PHYH: variants seen among roughly 807,000 people sequenced by gnomAD.
PHYH encodes the protein phytanoyl-CoA 2-hydroxylase.
In PHYH, 32 loss-of-function variants were observed where a neutral mutation model predicts 38.5. The observed-to-expected ratio is 0.83, with a 90% CI of 0.63 to 1.12. PHYH has a LOEUF of 1.12. PHYH is among the 50% of genes most tolerant of loss of function. The pLI is 0.00. For missense variants in PHYH, 426 were observed against 434.8 expected (o/e 0.98, Z 0.18); for synonymous variants, 166 against 157.9 (o/e 1.05, Z -0.38).
chr10:13,288,318 G>A (rs373176213), intron 6 of PHYH, 42 bp downstream of exon 6: 51 of 1,576,456 alleles, frequency 3.2e-5, no homozygotes, highest in East Asian at 2.2e-4. Context: ...CAGAAACTGC[G>A]AAGGAGATTC....
Position 13,293,857 on chromosome 10 carries a change from TAC to T in PHYH, c.414+569_414+570del, listed in dbSNP as rs373054397. On this transcript the variant is annotated intron_variant, in intron 4 of 8. Coordinates refer to ENST00000263038, the MANE Select transcript of PHYH (RefSeq NM_006214.4). ...AATAAATATCTATTAAAATAATTTA[TAC>T]CTCCTAAAATCATGGCATAGACCAC... Among the ~76,000 whole-genome samples, 16 of 152,232 alleles carry T rather than the reference TAC, an allele frequency of 1.1e-4. No individual in the cohort carries two copies. In the East Asian group the frequency reaches 3.1e-3, roughly 29 times the overall value.
At chr10:13,295,952 G>C (rs947630700) in intron 2 of PHYH, among the ~76,000 whole-genome samples, 1 of 152,138 alleles carries the variant, frequency 6.6e-6, no homozygotes, top group Non-Finnish European at 1.5e-5. Flanking sequence ...TGGATCGCCT[G>C]AGGTCAGGAG....
intron 2 of PHYH, among the ~76,000 whole-genome samples, chr10:13,296,388 C>T (rs1380817122): frequency 6.6e-6 from 1 of 150,974 alleles, no homozygotes; most frequent in African/African-American, 2.4e-5. Flanking sequence ...ACCAGCCTGA[C>T]TCACATGATG....
rs183377156 is a variant in PHYH, at chr10:13,279,475, C to T, written c.964-1121G>A. On this transcript the variant is annotated intron_variant, in intron 8 of 8. Coordinates refer to ENST00000263038, the MANE Select transcript of PHYH (RefSeq NM_006214.4). The stretch of plus-strand genomic sequence containing the variant: ...TGGTTCTTGTTTATTTTTGAGCAAA[C>T]AGCAAGGTATGGTGGAAAGAATAAT... Among the ~76,000 whole-genome samples the T allele has an allele frequency of 4.6e-3, 705 of 152,246 alleles. 2 individuals carry two copies. Among genetic ancestry groups the T allele is most frequent in the Middle Eastern group, 0.014 (4 of 294 alleles).
Position 13,294,566 on chromosome 10 carries a change from C to T in PHYH, c.276G>A (p.Glu92=). The part of the protein sequence containing the change: ...RNEFEKICRK[E]VKPLGLTVMR... The stretch of plus-strand genomic sequence containing the variant: ...TTACTGTTAATCCTAATGGTTTCAC[C>T]TCCTTTCTGCAGATTTTTTCAAACT... Residue 92 remains glutamate, a synonymous_variant, in exon 4 of 9, where the codon GAG becomes GAA. Transcript: ENST00000263038. 1 of 1,614,040 alleles carries T rather than the reference C, an allele frequency of 6.2e-7. No individual in the cohort carries two copies. The highest frequency in any genetic ancestry group is 1.1e-5 in the South Asian group (1 of 91,084).
At chr10:13,283,901 A>G (rs535558154) in intron 6 of PHYH, 62 bp from the exon 7 acceptor site, 18 of 1,349,136 alleles carry the variant, frequency 1.3e-5, no homozygotes, top group African/African-American at 2.9e-5. Flanking sequence ...AACATTGTCA[A>G]TGGTTCATCA....
intron 2 of PHYH, among the ~76,000 whole-genome samples, chr10:13,296,661 G>A (rs966522327): frequency 2.7e-5 from 4 of 150,566 alleles, no homozygotes; most frequent in African/African-American, 9.8e-5. Context: ...TAAAAATTAA[G>A]GCCATATAAT....
At chr10:13,285,892 C>G (rs994129258) in intron 6 of PHYH, among the ~76,000 whole-genome samples, 2 of 151,936 alleles carry the variant, frequency 1.3e-5, no homozygotes, top group Admixed American at 1.3e-4. Context: ...GCATGAGCCA[C>G]TGCGCCCAGC....
At chr10:13,290,775 T>C (rs1022390629) in intron 5 of PHYH, among the ~76,000 whole-genome samples, 3 of 152,128 alleles carry the variant, frequency 2.0e-5, no homozygotes, top group African/African-American at 7.2e-5. Flanking sequence ...TCTTAGATTC[T>C]ACATTTTAGC....
chr10:13,287,164 T>A (rs1835572564), intron 6 of PHYH, among the ~76,000 whole-genome samples: 1 of 151,830 alleles, frequency 6.6e-6, no homozygotes, highest in East Asian at 1.9e-4. Flanking sequence ...CATAGTGAAA[T>A]CCCGTCTCTA....
chr10:13,287,569 G>T (rs1247214545), intron 6 of PHYH, among the ~76,000 whole-genome samples: 1 of 152,100 alleles, frequency 6.6e-6, no homozygotes, highest in Non-Finnish European at 1.5e-5. Flanking sequence ...GGTCTTTCCT[G>T]TTCTTTGGTC....
intron 8 of PHYH, 91 bp downstream of exon 8, chr10:13,280,878 CACTATAT>C (rs1345273171): frequency 2.5e-5 from 29 of 1,150,812 alleles, no homozygotes; most frequent in African/African-American, 6.1e-5. Context: ...TAAACCCAAG[CACTATAT>C]ACTGTCAAAT....
At chr10:13,291,503 G>C (rs925557053) in intron 5 of PHYH, 33 of 330,066 alleles carry the variant, frequency 1.0e-4, no homozygotes, top group African/African-American at 6.3e-4. Flanking sequence ...ATTATGTAGA[G>C]ATAGGGTCTC....
chr10:13,291,634 A>G, intron 5 of PHYH, 197 bp downstream of exon 5: 1 of 575,168 alleles, frequency 1.7e-6, no homozygotes, highest in Non-Finnish European at 3.1e-6. Context: ...GCATACCACC[A>G]TGCCTGGATA....
In PHYH at chr10:13,300,059, A is replaced by AC. The variant is rs1832709715; in HGVS notation, c.-18dup. On this transcript the variant is annotated 5_prime_UTR_variant, in exon 1 of 9. Coordinates refer to ENST00000263038, the MANE Select transcript of PHYH (RefSeq NM_006214.4). ...CTGCTCCATGGCTGCGGCGCGGGGA[A>AC]CCCCCACCCCTCCCGGCCTCTGCCC... is the stretch of plus-strand genomic sequence containing the variant. The AC allele has an allele frequency of 2.6e-6, 4 of 1,528,330 alleles. No homozygotes were observed. The highest frequency in any genetic ancestry group is 2.4e-5 in the South Asian group (2 of 82,912). The allele number at this position is 1,528,330 out of a possible 1,614,324, so 94.7% of individuals were successfully genotyped here.
chr10:13,296,564 G>GA (rs1219238482), intron 2 of PHYH, among the ~76,000 whole-genome samples: 3,538 of 68,198 alleles, frequency 0.052, 111 homozygotes, highest in Non-Finnish European at 0.073. Context: ...CTCCATCTCA[G>GA]AAAAAAAAAA....
At chr10:13,278,559 G>A (rs989317012) in intron 8 of PHYH, among the ~76,000 whole-genome samples, 5 of 151,902 alleles carry the variant, frequency 3.3e-5, no homozygotes, top group Admixed American at 6.6e-5. Flanking sequence ...AATTTTTTGG[G>A]GACACAGTCT....
At chr10:13,292,492 G>C (rs1347957622) in intron 4 of PHYH, among the ~76,000 whole-genome samples, 1 of 152,224 alleles carries the variant, frequency 6.6e-6, no homozygotes, top group Non-Finnish European at 1.5e-5. Context: ...ACATGGGTCA[G>C]AGTGGCCGAG....
At chr10:13,298,657 G>C (rs1832641705) in intron 1 of PHYH, among the ~76,000 whole-genome samples, 1 of 150,624 alleles carries the variant, frequency 6.6e-6, no homozygotes, top group Non-Finnish European at 1.5e-5. Flanking sequence ...GCTGAGATCA[G>C]GCCACTGCAT....
Sources: gnomAD v4.1 joint callset for allele counts (sites outside exome capture counted in the v4.1 genomes callset) on GRCh38, gnomAD v4.1.1 for gene constraint, MANE v1.5 for transcripts, NCBI Gene and HGNC (gene_info 2026-07-23, HGNC 2026-07-21) for gene names.